CSNK1E: variants seen among roughly 807,000 people sequenced by gnomAD.
CSNK1E encodes casein kinase I isoform epsilon.
Under a neutral mutation model 46.1 loss-of-function variants are expected in CSNK1E, and 17 were observed. The observed-to-expected ratio is 0.37, with a 90% CI of 0.25 to 0.55. CSNK1E has a LOEUF of 0.55. CSNK1E is among the 20% of genes least tolerant of loss of function. The pLI, the probability that CSNK1E is intolerant of heterozygous loss-of-function variation, is 0.82. For synonymous variants in CSNK1E, 241 were observed against 242.6 expected (o/e 0.99, Z 0.06); for missense variants, 386 against 595.4 (o/e 0.65, Z 3.66).
rs551551894 is a variant in CSNK1E, at chr22:38,308,739, A to G, written c.76+5343T>C. On this transcript the variant is annotated intron_variant, in intron 2 of 10. Coordinates refer to ENST00000396832, the MANE Select transcript of CSNK1E (RefSeq NM_152221.3). The stretch of plus-strand genomic sequence containing the variant: ...AGGGAATAAGCCATGCTATGAGGAA[A>G]GGAGAGCCTCCGGGAGGGCAGGCTG... Among the ~76,000 whole-genome samples, 9 of 152,172 alleles carry G rather than the reference A, an allele frequency of 5.9e-5. No homozygotes were observed. The South Asian group carries it at 1.9e-3, about 32-fold the overall frequency.
chr22:38,314,846 C>G (rs1485430355), intron 1 of CSNK1E, among the ~76,000 whole-genome samples: 1 of 152,176 alleles, frequency 6.6e-6, no homozygotes, highest in Non-Finnish European at 1.5e-5. Flanking sequence ...CAGCTTCTCT[C>G]CTTCCTCAGG....
chr22:38,316,201 C>T (rs1489027565), intron 1 of CSNK1E, among the ~76,000 whole-genome samples: 6 of 152,206 alleles, frequency 3.9e-5, no homozygotes, highest in South Asian at 4.1e-4. Context: ...ACCAGCATGG[C>T]ACACGGGCAG....
chr22:38,293,449 C>T (rs1569074303), intron 9 of CSNK1E, 130 bp from the exon 10 acceptor site: 9 of 632,048 alleles, frequency 1.4e-5, no homozygotes, highest in South Asian at 5.5e-5. Flanking sequence ...ACCCCCACCC[C>T]CACCTCCAGG....
rs1602559865 is a variant in CSNK1E at position 38,309,512 on chromosome 22, T to G, written c.76+4570A>C. On this transcript the variant is annotated intron_variant, in intron 2 of 10. Coordinates refer to ENST00000396832, the MANE Select transcript of CSNK1E (RefSeq NM_152221.3). The surrounding 1 kb of genome is among the most constrained non-coding windows in gnomAD (Gnocchi z 4.8). ...CTTTGTCGCCTGGGCTGGAGTGCAG[T>G]GGCATGATCTCGGCTCACTGCAACT... 6.6e-6 allele frequency among the ~76,000 whole-genome samples: 1 copy of G among 152,080 alleles called. No individual in the cohort carries two copies. The highest frequency in any genetic ancestry group is 6.6e-5 in the Admixed American group (1 of 15,266).
At chr22:38,316,469 C>G (rs2092746510) in intron 1 of CSNK1E, among the ~76,000 whole-genome samples, 1 of 152,178 alleles carries the variant, frequency 6.6e-6, no homozygotes, top group Non-Finnish European at 1.5e-5. Context: ...CACCCCACTT[C>G]GAGTTAGGGT....
rs2092664516 is a variant in CSNK1E at position 38,300,360 on chromosome 22, G to A, written c.566-295C>T. On this transcript the variant is annotated intron_variant, in intron 5 of 10. Transcript: ENST00000396832. The surrounding 1 kb of genome is among the most constrained non-coding windows in gnomAD (Gnocchi z 4.4). ...CTTGCCTGGCCCACCCCGTGGAGAG[G>A]TCACAAGCTTCAGCATCAGACAGGG... is the stretch of plus-strand genomic sequence containing the variant. Among the ~76,000 whole-genome samples, 1 of 152,184 alleles carries A rather than the reference G, an allele frequency of 6.6e-6. No homozygotes were observed. Among genetic ancestry groups the A allele is most frequent in the Non-Finnish European group, 1.5e-5 (1 of 68,036 alleles).
intron 4 of CSNK1E, among the ~76,000 whole-genome samples, chr22:38,301,763 C>T (rs1474267331): frequency 6.6e-6 from 1 of 152,122 alleles, no homozygotes; most frequent in East Asian, 1.9e-4. Context: ...AATATCCATC[C>T]ACATGCCGTG....
intron 4 of CSNK1E, 134 bp downstream of exon 4, chr22:38,302,727 C>T (rs1323430931): frequency 9.6e-7 from 1 of 1,042,274 alleles, no homozygotes; most frequent in Admixed American, 2.5e-5. Context: ...TAAATAAACA[C>T]CTACAATTCT....
intron 2 of CSNK1E, among the ~76,000 whole-genome samples, chr22:38,310,649 G>A (rs1410205390): frequency 3.3e-5 from 5 of 152,224 alleles, no homozygotes; most frequent in Admixed American, 6.5e-5. Flanking sequence ...TCTAGCAAAT[G>A]GGCCCAGATT....
rs2092713478 is a variant in CSNK1E at position 38,309,865 on chromosome 22, A to ACC, written c.76+4215_76+4216dup. ...CCCAAGCTGCTAGGCAAAGCCTCTGACCCCCGCAAGTGCTGGAAACCTGCC... is the reference window on the plus strand; with the variant it reads ...CCCAAGCTGCTAGGCAAAGCCTCTGACCCCCCCGCAAGTGCTGGAAACCTGCC... On this transcript the variant is annotated intron_variant, in intron 2 of 10. Coordinates refer to ENST00000396832, the MANE Select transcript of CSNK1E (RefSeq NM_152221.3). The surrounding 1 kb of genome is among the most constrained non-coding windows in gnomAD (Gnocchi z 4.8). 1.3e-5 allele frequency among the ~76,000 whole-genome samples: 2 copies of ACC among 152,222 alleles called. No homozygotes were observed. Among genetic ancestry groups the ACC allele is most frequent in the South Asian group, 4.1e-4 (2 of 4,828 alleles).
chr22:38,303,001 G>A lies in CSNK1E; in HGVS notation c.196C>T (p.Pro66Ser), dbSNP rs1171325581. 6.2e-7 allele frequency: 1 copy of A among 1,613,790 alleles called. No homozygotes were observed. Among genetic ancestry groups the A allele is most frequent in the Non-Finnish European group, 8.5e-7 (1 of 1,179,964 alleles). Residue 66 changes from proline to serine, a missense_variant, in exon 4 of 11, where the codon CCG (proline) becomes TCG (serine). By Grantham distance (74) the Pro-to-Ser change is moderately conservative. This residue lies in a region of CSNK1E where 212 missense variants were observed against 410.2 expected (regional missense o/e 0.52). Coordinates refer to ENST00000396832, the MANE Select transcript of CSNK1E (RefSeq NM_152221.3). This position sits in a 1 kb window ranked among gnomAD's most constrained non-coding sequence, Gnocchi z 4.7. ...YKMMQGGVGI[P>S]SIKWCGAEGD... is the part of the protein sequence containing the mutation. ...TCAGCTCCGCACCACTTGATGGACGGGATCCCCACTGGGGGTCAAGCAGAG... is the reference window on the plus strand; with the variant it reads ...TCAGCTCCGCACCACTTGATGGACGAGATCCCCACTGGGGGTCAAGCAGAG...
At chr22:38,316,244 C>T (rs2092745297) in intron 1 of CSNK1E, among the ~76,000 whole-genome samples, 1 of 152,206 alleles carries the variant, frequency 6.6e-6, no homozygotes, top group Non-Finnish European at 1.5e-5. Context: ...ATCGCCTACC[C>T]CTGAGCCGGG....
chr22:38,316,111 G>T lies in CSNK1E; in HGVS notation c.-13+1049C>A, dbSNP rs113437014. On this transcript the variant is annotated intron_variant, in intron 1 of 10. Coordinates refer to ENST00000396832, the MANE Select transcript of CSNK1E (RefSeq NM_152221.3). ...GCTGCTTCTCCCATGGGGGAGGGGGGGAGATAAACAAAGTGGGGGGAAAAG... is the reference window on the plus strand; with the variant it reads ...GCTGCTTCTCCCATGGGGGAGGGGGTGAGATAAACAAAGTGGGGGGAAAAG... Among the ~76,000 whole-genome samples, 1,190 of 151,710 alleles carry T rather than the reference G, an allele frequency of 7.8e-3. 7 individuals carry two copies. Among genetic ancestry groups the T allele is most frequent in the Non-Finnish European group, 0.01 (704 of 67,894 alleles).
In CSNK1E at chr22:38,294,431, G is replaced by C. The variant is rs747740442; in HGVS notation, c.989C>G (p.Pro330Arg). Residue 330 changes from proline (P) to arginine (R), a missense_variant, in exon 8 of 11, where the codon CCT (proline) becomes CGT (arginine). This residue lies in a region of CSNK1E where 174 missense variants were observed against 185.2 expected (regional missense o/e 0.94). Transcript: ENST00000396832. The surrounding 1 kb of genome is among the most constrained non-coding windows in gnomAD (Gnocchi z 5.5). ...GGCAGTGGCCCCCGTGGGTGGGCCA[G>C]GGGGCAGGGCTCGGGTCGCGGACCC... is the stretch of plus-strand genomic sequence containing the variant. ...LRGSATRALP[P>R]GPPTGATANR... 4.5e-6 allele frequency: 7 copies of C among 1,565,844 alleles called. No homozygotes were observed. The highest frequency in any genetic ancestry group is 2.6e-6 in the Non-Finnish European group (3 of 1,157,834).
chr22:38,305,351 G>A (rs1297103341), intron 2 of CSNK1E, among the ~76,000 whole-genome samples: 1 of 147,722 alleles, frequency 6.8e-6, no homozygotes, highest in African/African-American at 2.5e-5. Context: ...TGAAATGTTA[G>A]AAGAAGGGAG....
At position 38,290,856 on chromosome 22, in the gene CSNK1E, A is replaced by AT. The variant is rs2092605147; in HGVS notation, c.*1114dup. Reference sequence around the variant, plus strand: ...AAGTAATAAAAAGCTTTGCTCTTTAATTAAAAAAAAAAAGGAAAAAGGGGA... The same window carrying AT: ...AAGTAATAAAAAGCTTTGCTCTTTAATTTAAAAAAAAAAAGGAAAAAGGGGA... On this transcript the variant is annotated 3_prime_UTR_variant, in exon 11 of 11. Transcript: ENST00000396832. 6.6e-6 allele frequency: 1 copy of AT among 150,834 alleles called. No individual in the cohort carries two copies. Among genetic ancestry groups the AT allele is most frequent in the African/African-American group, 2.5e-5 (1 of 40,422 alleles). The allele number at this position is 150,834 out of a possible 1,614,324, so 9.3% of individuals were successfully genotyped here.
intron 1 of CSNK1E, among the ~76,000 whole-genome samples, chr22:38,315,455 G>A (rs1005388858): frequency 1.3e-5 from 2 of 152,212 alleles, no homozygotes; most frequent in African/African-American, 4.8e-5. Context: ...ATCAAGGGCC[G>A]CTGCCCATAT....
At chr22:38,301,925 G>A (rs556184281) in intron 4 of CSNK1E, among the ~76,000 whole-genome samples, 2 of 152,186 alleles carry the variant, frequency 1.3e-5, no homozygotes, top group South Asian at 4.2e-4. Context: ...ACCCCTGTAC[G>A]AGATCTCCAC....
At position 38,298,882 on chromosome 22, in the gene CSNK1E, C is replaced by A; in HGVS notation, c.789G>T (p.Lys263Asn). ...NFCRSLRFDD[K>N]PDYSYLRQLF... The stretch of plus-strand genomic sequence containing the variant: ...GCTGACGTAGGTAAGAGTAGTCGGG[C>A]TTGTCGTCAAACCGCAGGGAGCGGC... The change falls in exon 7 of 11, where the codon AAG becomes AAT. Residue 263 changes from lysine to asparagine, a missense_variant. By Grantham distance (94) the Lys-to-Asn change is moderately conservative. Around this residue, in one of 2 missense-constraint regions of CSNK1E, gnomAD observed 212 missense variants for 410.2 expected, o/e 0.52. Coordinates refer to ENST00000396832, the MANE Select transcript of CSNK1E (RefSeq NM_152221.3). The surrounding 1 kb of genome is among the most constrained non-coding windows in gnomAD (Gnocchi z 4.2). The A allele has an allele frequency of 6.2e-7, 1 of 1,614,190 alleles. No homozygotes were observed.
Sources: gnomAD v4.1 joint callset for allele counts (sites outside exome capture counted in the v4.1 genomes callset) on GRCh38, gnomAD v4.1.1 for gene constraint, gnomAD v4.1.1 regional missense constraint, Gnocchi (gnomAD v3.1) non-coding constraint, MANE v1.5 for transcripts, NCBI Gene and HGNC (gene_info 2026-07-23, HGNC 2026-07-21) for gene names.